CADPS2: variants seen among roughly 807,000 people sequenced by gnomAD.
The protein encoded by CADPS2 is calcium dependent secretion activator 2.
In CADPS2, 93 loss-of-function variants were observed where a neutral mutation model predicts 172.5. The observed-to-expected ratio is 0.54, with a 90% confidence interval of 0.46 to 0.64. The LOEUF is 0.64. Among genes scored for constraint, CADPS2 ranks in the 30% least tolerant of loss-of-function variants. CADPS2 has a pLI of 0.00. For missense variants in CADPS2, 1,420 were observed against 1,565.9 expected, an observed-to-expected ratio of 0.91 and a Z score of 1.57; for synonymous variants, 546 against 555.2, an observed-to-expected ratio of 0.98 and a Z score of 0.23.
At chr7:122,819,286 T>G (rs1802425586) in intron 1 of CADPS2, among the ~76,000 whole-genome samples, 1 of 151,970 alleles carries the variant, frequency 6.6e-6, no homozygotes, top group Non-Finnish European at 1.5e-5. Flanking sequence ...CCACTGAAAA[T>G]CGGACTGTTC....
intron 1 of CADPS2, among the ~76,000 whole-genome samples, chr7:122,883,803 C>T (rs565295262): frequency 6.6e-6 from 1 of 152,192 alleles, no homozygotes; most frequent in South Asian, 2.1e-4. Flanking sequence ...ATGCTCTAAG[C>T]ATTTAGAATG....
intron 8 of CADPS2, among the ~76,000 whole-genome samples, chr7:122,534,836 C>T (rs1474209336): frequency 6.6e-6 from 1 of 151,936 alleles, no homozygotes; most frequent in African/African-American, 2.4e-5. Context: ...GGTTCCTTAG[C>T]CACTAAGAAA....
At chr7:122,331,027 G>C (rs2034852200) in intron 28 of CADPS2, 1 of 152,110 alleles carries the variant, frequency 6.6e-6, no homozygotes, top group Admixed American at 6.5e-5. Flanking sequence ...ATGAGCTTGT[G>C]ATTCTTGTAA....
intron 1 of CADPS2, among the ~76,000 whole-genome samples, chr7:122,877,160 A>G (rs1282590973): frequency 6.6e-6 from 1 of 152,228 alleles, no homozygotes; most frequent in African/African-American, 2.4e-5. Flanking sequence ...TCAGTAAAAC[A>G]AAACTAGGCA....
chr7:122,628,449 T>C (rs1183376616), intron 4 of CADPS2, among the ~76,000 whole-genome samples: 2 of 151,268 alleles, frequency 1.3e-5, no homozygotes, highest in Non-Finnish European at 1.5e-5. Context: ...GAGAGAGAAA[T>C]AGAGAGGGAG....
At position 122,615,280 on chromosome 7, in the gene CADPS2, T is replaced by A; in HGVS notation, c.1124A>T (p.Gln375Leu). Residue 375 changes from glutamine to leucine, a missense_variant, in exon 6 of 30, where the codon CAA becomes CTA. By Grantham distance (113) the Gln-to-Leu change is moderately radical. Coordinates refer to ENST00000449022, the MANE Select transcript of CADPS2 (RefSeq NM_017954.11). ...ATTGGGAGCAACTGACTTCAGGCCT[T>A]GCACTTCCATTATGACAATCTAAAG... is the stretch of plus-strand genomic sequence containing the variant. ...FTLEIVIMEV[Q>L]GLKSVAPNRI... 1 of 1,546,580 alleles carries A rather than the reference T, an allele frequency of 6.5e-7. No homozygotes were observed. Among genetic ancestry groups the A allele is most frequent in the Non-Finnish European group, 8.8e-7 (1 of 1,141,722 alleles).
At chr7:122,818,385 G>A (rs925911735) in intron 1 of CADPS2, among the ~76,000 whole-genome samples, 11 of 152,118 alleles carry the variant, frequency 7.2e-5, no homozygotes, top group African/African-American at 2.4e-4. Context: ...AATAATTCTT[G>A]TCGTAAAATA....
intron 6 of CADPS2, among the ~76,000 whole-genome samples, chr7:122,584,404 T>C (rs1469471882): frequency 6.6e-6 from 1 of 152,022 alleles, no homozygotes; most frequent in Non-Finnish European, 1.5e-5. Context: ...GTAAATTTTT[T>C]CATCTTTGAA....
At chr7:122,388,147 A>C (rs1228302412) in intron 23 of CADPS2, among the ~76,000 whole-genome samples, 1 of 151,944 alleles carries the variant, frequency 6.6e-6, no homozygotes, top group African/African-American at 2.4e-5. Context: ...GACAGAAAAT[A>C]GTTAGTAATC....
intron 6 of CADPS2, among the ~76,000 whole-genome samples, chr7:122,608,210 G>A (rs1172036410): frequency 8.0e-5 from 9 of 112,996 alleles, no homozygotes; most frequent in East Asian, 2.7e-4. Context: ...GCGAGACTCC[G>A]TCTAAAAAAA....
chr7:122,373,241 G>C (rs2041977707), intron 25 of CADPS2, among the ~76,000 whole-genome samples: 1 of 151,930 alleles, frequency 6.6e-6, no homozygotes, highest in African/African-American at 2.4e-5. Context: ...AGATTCACCA[G>C]AGCAGTGTTT....
At chr7:122,797,594 G>C (rs1487168550) in intron 1 of CADPS2, among the ~76,000 whole-genome samples, 1 of 152,136 alleles carries the variant, frequency 6.6e-6, no homozygotes, top group Admixed American at 6.6e-5. Flanking sequence ...ACTAATGCAG[G>C]AATGGAAAAC....
At chr7:122,663,070 C>T (rs572538267) in intron 3 of CADPS2, among the ~76,000 whole-genome samples, 167 bp downstream of exon 3, 3 of 152,114 alleles carry the variant, frequency 2.0e-5, no homozygotes, top group Non-Finnish European at 4.4e-5. Flanking sequence ...ATACTTTTTT[C>T]AAAACTTCTC....
intron 8 of CADPS2, among the ~76,000 whole-genome samples, chr7:122,516,376 A>C (rs2060376773): frequency 6.6e-6 from 1 of 152,120 alleles, no homozygotes; most frequent in Non-Finnish European, 1.5e-5. Context: ...CTGTACAAAA[A>C]TAAAAATAAA....
At chr7:122,782,705 CAGATACTA>C (rs1455732356) in intron 1 of CADPS2, among the ~76,000 whole-genome samples, 1 of 152,190 alleles carries the variant, frequency 6.6e-6, no homozygotes, top group Non-Finnish European at 1.5e-5. Flanking sequence ...AGCACATCAA[CAGATACTA>C]AGAAAGTATT....
At chr7:122,549,626 A>G (rs532012708) in intron 8 of CADPS2, among the ~76,000 whole-genome samples, 1 of 151,746 alleles carries the variant, frequency 6.6e-6, no homozygotes, top group African/African-American at 2.4e-5. Context: ...GTCTTAAAAA[A>G]AAAAGATTAG....
At chr7:122,676,808 C>T in intron 2 of CADPS2, 1 of 790,862 alleles carries the variant, frequency 1.3e-6, no homozygotes. Context: ...GGACAAGATT[C>T]CGAACTCACT....
rs570199353 is a variant in CADPS2 at position 122,656,844 on chromosome 7, C to T, written c.786+6393G>A. 8.9e-4 allele frequency among the ~76,000 whole-genome samples: 135 copies of T among 152,258 alleles called. 1 individual carries two copies. Among genetic ancestry groups the T allele is most frequent in the African/African-American group, 1.1e-3 (44 of 41,560 alleles). ...CCCATTTGTCAATTTTGGCTTTTGACGCCATTGCTTCTGGTGTTTTAGACA... is the reference window on the plus strand; with the variant it reads ...CCCATTTGTCAATTTTGGCTTTTGATGCCATTGCTTCTGGTGTTTTAGACA... On this transcript the variant is annotated intron_variant, in intron 3 of 29. Transcript: ENST00000449022.
At chr7:122,487,471 A>C (rs973369993) in intron 11 of CADPS2, among the ~76,000 whole-genome samples, 3 of 152,200 alleles carry the variant, frequency 2.0e-5, no homozygotes, top group Non-Finnish European at 4.4e-5. Flanking sequence ...GCCTAATTAC[A>C]AATTAGGCAA....
Sources: gnomAD v4.1 joint callset for allele counts (sites outside exome capture counted in the v4.1 genomes callset) on GRCh38, gnomAD v4.1.1 for gene constraint, MANE v1.5 for transcripts, NCBI Gene and HGNC (gene_info 2026-07-23, HGNC 2026-07-21) for gene names.